ROBO2: variants seen among roughly 807,000 people sequenced by gnomAD.
The protein encoded by ROBO2 is roundabout guidance receptor 2, also known as roundabout homolog 2.
A neutral mutation model predicts 160.8 loss-of-function variants in ROBO2; 53 were observed. The observed-to-expected ratio is 0.33, with a 90% CI of 0.26 to 0.41. The LOEUF (loss-of-function observed/expected upper bound fraction) is 0.41. Ranked by LOEUF, ROBO2 falls within the 10% of genes least tolerant of loss-of-function variation. The pLI, the probability that ROBO2 is intolerant of heterozygous loss-of-function variation, is 1.00. For missense variants in ROBO2, 1,577 were observed against 1,722.4 expected, an observed-to-expected ratio of 0.92 and a Z score of 1.49; for synonymous variants, 664 against 611.7, an observed-to-expected ratio of 1.09 and a Z score of -1.26.
chr3:76,018,204 C>T (rs2066460047), intron 2 of ROBO2, among the ~76,000 whole-genome samples: 1 of 151,668 alleles, frequency 6.6e-6, no homozygotes, highest in Non-Finnish European at 1.5e-5. Flanking sequence ...CAAAATTGGC[C>T]TCAAAAATGA....
chr3:77,138,937 CTG>C (rs1313544119), intron 2 of ROBO2, among the ~76,000 whole-genome samples: 1 of 152,126 alleles, frequency 6.6e-6, no homozygotes, highest in Non-Finnish European at 1.5e-5. Flanking sequence ...GACTCTGGCT[CTG>C]TGTTGCAAAG....
At chr3:76,685,124 G>A (rs2092656636) in intron 2 of ROBO2, among the ~76,000 whole-genome samples, 2 of 150,784 alleles carry the variant, frequency 1.3e-5, no homozygotes, top group South Asian at 4.2e-4. Context: ...ACTAATTCTT[G>A]AAATCATAGA....
chr3:75,993,050 C>T (rs1477010450), intron 2 of ROBO2, among the ~76,000 whole-genome samples: 1 of 152,132 alleles, frequency 6.6e-6, no homozygotes, highest in African/African-American at 2.4e-5. Context: ...AAGTGACCTG[C>T]CTTGTCTCAG....
intron 2 of ROBO2, among the ~76,000 whole-genome samples, chr3:77,455,419 T>G (rs2081528943): frequency 6.6e-6 from 1 of 152,110 alleles, no homozygotes; most frequent in African/African-American, 2.4e-5. Context: ...AGTCCGAAAT[T>G]AAGGAAAAGC....
intron 2 of ROBO2, among the ~76,000 whole-genome samples, chr3:76,033,263 C>T (rs961139541): frequency 4.6e-5 from 7 of 151,884 alleles, no homozygotes; most frequent in Admixed American, 2.0e-4. Flanking sequence ...AATATTACCA[C>T]GTGGTCTGGT....
At chr3:77,147,265 G>A (rs1256044017) in intron 2 of ROBO2, among the ~76,000 whole-genome samples, 1 of 152,090 alleles carries the variant, frequency 6.6e-6, no homozygotes, top group African/African-American at 2.4e-5. Context: ...CATGACCTTC[G>A]GTGAGTTCTT....
intron 2 of ROBO2, among the ~76,000 whole-genome samples, chr3:77,212,852 G>C (rs2084372722): frequency 6.6e-6 from 1 of 152,042 alleles, no homozygotes; most frequent in Non-Finnish European, 1.5e-5. Context: ...TTTGTCTTTG[G>C]TTCTGTTTGT....
chr3:76,602,372 G>A (rs1411163779), intron 2 of ROBO2, among the ~76,000 whole-genome samples: 1 of 152,094 alleles, frequency 6.6e-6, no homozygotes, highest in Non-Finnish European at 1.5e-5. Context: ...CACTCTACTG[G>A]TACCAATTTA....
intron 2 of ROBO2, among the ~76,000 whole-genome samples, chr3:76,214,912 C>T (rs76191427): frequency 0.041 from 6,199 of 152,240 alleles, 358 homozygotes; most frequent in East Asian, 0.22. Flanking sequence ...AGGCACCCCT[C>T]AGTATGGGCG....
intron 2 of ROBO2, among the ~76,000 whole-genome samples, chr3:76,213,398 A>G (rs1344273469): frequency 1.3e-5 from 2 of 152,132 alleles, no homozygotes; most frequent in Non-Finnish European, 2.9e-5. Flanking sequence ...CCTTTTAAAA[A>G]GTGGATATGA....
At chr3:77,304,773 GAAT>G (rs922068319) in intron 2 of ROBO2, among the ~76,000 whole-genome samples, 19 of 152,242 alleles carry the variant, frequency 1.2e-4, no homozygotes, top group Admixed American at 3.9e-4. Flanking sequence ...TTTTCTGGTT[GAAT>G]AACAGCATGA....
At chr3:76,204,539 C>T (rs1702709144) in intron 2 of ROBO2, among the ~76,000 whole-genome samples, 1 of 152,174 alleles carries the variant, frequency 6.6e-6, no homozygotes, top group Admixed American at 6.6e-5. Flanking sequence ...TTCTAATCAA[C>T]TATTAATAGC....
intron 2 of ROBO2, among the ~76,000 whole-genome samples, chr3:77,320,945 C>T (rs2064620058): frequency 6.6e-6 from 1 of 152,086 alleles, no homozygotes; most frequent in South Asian, 2.1e-4. Flanking sequence ...CTTAGGTATG[C>T]AAAGTAGGCA....
chr3:76,097,577 A>G (rs1055305904), intron 2 of ROBO2, among the ~76,000 whole-genome samples: 2 of 152,176 alleles, frequency 1.3e-5, no homozygotes, highest in Non-Finnish European at 2.9e-5. Context: ...GCAAAGAGAG[A>G]TAGAAAATGT....
chr3:76,164,534 A>G lies in ROBO2; in HGVS notation c.109+226932A>G, dbSNP rs183315730. 1.6e-3 allele frequency among the ~76,000 whole-genome samples: 239 copies of G among 152,304 alleles called. 1 individual carries two copies. The highest frequency in any genetic ancestry group is 5.5e-3 in the African/African-American group (229 of 41,556). ...TCTGCAGAATGGATGTTGTGTTAGC[A>G]GGTGTGAAAACAACGTTAATATCCT... On this transcript the variant is annotated intron_variant, in intron 2 of 26. Transcript: ENST00000487694.
intron 7 of ROBO2, among the ~76,000 whole-genome samples, chr3:77,549,197 C>A (rs887389318): frequency 6.6e-6 from 1 of 151,834 alleles, no homozygotes; most frequent in South Asian, 2.1e-4. Flanking sequence ...TCCATGTCAA[C>A]GAATCATTTA....
chr3:76,756,336 T>C (rs1328837359), intron 2 of ROBO2, among the ~76,000 whole-genome samples: 1 of 151,900 alleles, frequency 6.6e-6, no homozygotes, highest in Non-Finnish European at 1.5e-5. Context: ...AGGTGAAATG[T>C]AGTAATGGAT....
intron 6 of ROBO2, among the ~76,000 whole-genome samples, chr3:77,536,621 A>T (rs1413796366): frequency 6.6e-6 from 1 of 152,152 alleles, no homozygotes; most frequent in Non-Finnish European, 1.5e-5. Flanking sequence ...TGTTTCCAGG[A>T]ATGTCTCTTG....
chr3:77,505,680 T>C (rs1029193370), intron 5 of ROBO2, among the ~76,000 whole-genome samples: 6 of 152,074 alleles, frequency 3.9e-5, no homozygotes, highest in Non-Finnish European at 7.4e-5. Context: ...ATATATTAAA[T>C]ATGGGAGTAA....
Sources: gnomAD v4.1 joint callset for allele counts (sites outside exome capture counted in the v4.1 genomes callset) on GRCh38, gnomAD v4.1.1 for gene constraint, MANE v1.5 for transcripts, NCBI Gene and HGNC (gene_info 2026-07-23, HGNC 2026-07-21) for gene names.